EMCN: variants seen among roughly 807,000 people sequenced by gnomAD.
EMCN encodes the protein endomucin.
A neutral mutation model predicts 38.4 loss-of-function variants in EMCN; 37 were observed. That is an observed-to-expected ratio of 0.96 (90% CI 0.74 to 1.27). The LOEUF (loss-of-function observed/expected upper bound fraction) is 1.27, where lower values mean the gene tolerates loss of function less well. EMCN is among the 50% of genes most tolerant of loss of function. EMCN has a pLI of 0.00. For synonymous variants in EMCN, 95 were observed against 100.8 expected, an observed-to-expected ratio of 0.94 and a Z score of 0.35; for missense variants, 318 against 302.8, an observed-to-expected ratio of 1.05 and a Z score of -0.37.
intron 3 of EMCN, among the ~76,000 whole-genome samples, chr4:100,471,127 A>C (rs1728465932): frequency 6.6e-6 from 1 of 151,976 alleles, no homozygotes; most frequent in African/African-American, 2.4e-5. Context: ...AATAGAGAAT[A>C]GAAACACAAC....
At chr4:100,492,931 A>G (rs548586226) in intron 1 of EMCN, among the ~76,000 whole-genome samples, 16 of 152,192 alleles carry the variant, frequency 1.1e-4, no homozygotes, top group Admixed American at 6.5e-4. Flanking sequence ...TAACCTTTTT[A>G]GCCTCAGTTT....
At chr4:100,457,615 A>C (rs2110254958) in intron 4 of EMCN, among the ~76,000 whole-genome samples, 1 of 152,308 alleles carries the variant, frequency 6.6e-6, no homozygotes, top group Middle Eastern at 3.4e-3. Flanking sequence ...TGATTTTCCT[A>C]TGTTGAACCA....
chr4:100,475,046 T>C lies in EMCN; in HGVS notation c.251A>G (p.Lys84Arg). The C allele has an allele frequency of 2.0e-6, 3 of 1,518,570 alleles. No homozygotes were observed. The highest frequency in any genetic ancestry group is 2.7e-6 in the Non-Finnish European group (3 of 1,115,104). The allele number at this position is 1,518,570 out of a possible 1,614,324, so 94.1% of individuals were successfully genotyped here. The change falls in exon 3 of 12, where the codon AAA becomes AGA. Residue 84 changes from lysine to arginine, a missense_variant. Coordinates refer to ENST00000296420, the MANE Select transcript of EMCN (RefSeq NM_016242.4). ...LMSTATFLTSKDEGLKATTTD... is the reference protein window; with the variant it reads ...LMSTATFLTSRDEGLKATTTD... The stretch of plus-strand genomic sequence containing the variant: ...AATGAATCATTACTCACCTTCATCT[T>C]TACTTGTTAAAAAAGTAGCTGTTGA...
Position 100,415,914 on chromosome 4 carries a change from T to A in EMCN, c.735A>T (p.Thr245=). 6.3e-7 allele frequency: 1 copy of A among 1,587,664 alleles called. No individual in the cohort carries two copies. Among genetic ancestry groups the A allele is most frequent in the Non-Finnish European group, 8.5e-7 (1 of 1,170,050 alleles). The part of the protein sequence containing the change: ...KESVKLLTVK[T]ISHESGEHSA... Reference sequence around the variant, plus strand: ...GAAACTTACCAGACTCATGAGAAATTGTCTTAACGGTAAGAAGCTTCACGC... The same window carrying A: ...GAAACTTACCAGACTCATGAGAAATAGTCTTAACGGTAAGAAGCTTCACGC... The change falls in exon 10 of 12, where the codon ACA becomes ACT. Residue 245 remains threonine (T), a synonymous_variant. Transcript: ENST00000296420.
At chr4:100,418,235 C>T (rs1383682193) in intron 8 of EMCN, among the ~76,000 whole-genome samples, 4 of 151,808 alleles carry the variant, frequency 2.6e-5, no homozygotes, top group Admixed American at 6.6e-5. Context: ...TGCTAATAGC[C>T]CTGTTTTAAA....
intron 4 of EMCN, among the ~76,000 whole-genome samples, chr4:100,458,045 G>A (rs548259483): frequency 1.3e-5 from 2 of 152,206 alleles, no homozygotes; most frequent in Admixed American, 1.3e-4. Context: ...GGACCTGGGA[G>A]GTGGAGTTTG....
intron 5 of EMCN, among the ~76,000 whole-genome samples, chr4:100,446,416 T>C (rs1727673803): frequency 6.6e-6 from 1 of 152,118 alleles, no homozygotes; most frequent in Non-Finnish European, 1.5e-5. Context: ...TGATTCAAAT[T>C]CCTTGAACAC....
rs1441191754 is a variant in EMCN at position 100,417,481 on chromosome 4, GA to G, written c.665-341del. 2.9e-4 allele frequency among the ~76,000 whole-genome samples: 44 copies of G among 152,050 alleles called. 2 individuals carry two copies. The highest frequency in any genetic ancestry group is 7.4e-5 in the Non-Finnish European group (5 of 67,992). Reference sequence around the variant, plus strand: ...AATGTCTGTTTATTTCAGTATCTCTGAAAAAATTCTATTAAAAGTATTGAAG... The same window carrying G: ...AATGTCTGTTTATTTCAGTATCTCTGAAAAATTCTATTAAAAGTATTGAAG... On this transcript the variant is annotated intron_variant, in intron 8 of 11. Transcript: ENST00000296420.
intron 1 of EMCN, among the ~76,000 whole-genome samples, chr4:100,510,538 T>A (rs944118121): frequency 6.6e-6 from 1 of 152,214 alleles, no homozygotes; most frequent in African/African-American, 2.4e-5. Context: ...TTCCATTAAC[T>A]CAGCAAAACT....
chr4:100,411,230 G>A lies in EMCN; in HGVS notation c.752-875C>T, dbSNP rs147097139. On this transcript the variant is annotated intron_variant, in intron 10 of 11. Coordinates refer to ENST00000296420, the MANE Select transcript of EMCN (RefSeq NM_016242.4). ...AAGACTCCTCTTCAAGAGCTCCTTC[G>A]ATTCTATGCTCTGAGAAATGTTGGG... Among the ~76,000 whole-genome samples, 555 of 152,190 alleles carry A rather than the reference G, an allele frequency of 3.6e-3. 7 individuals are homozygous for A. Among genetic ancestry groups the A allele is most frequent in the African/African-American group, 0.013 (524 of 41,528 alleles).
intron 1 of EMCN, among the ~76,000 whole-genome samples, chr4:100,504,730 G>A (rs1324551216): frequency 6.6e-6 from 1 of 152,186 alleles, no homozygotes; most frequent in Non-Finnish European, 1.5e-5. Context: ...ACGGTCTAGC[G>A]GTAGAGTCAG....
intron 2 of EMCN, among the ~76,000 whole-genome samples, 169 bp from the exon 3 acceptor site, chr4:100,475,278 T>C (rs999826878): frequency 6.9e-6 from 1 of 144,526 alleles, no homozygotes; most frequent in Non-Finnish European, 1.5e-5. Flanking sequence ...ATTAAATATA[T>C]GTATATTAAA....
intron 5 of EMCN, among the ~76,000 whole-genome samples, chr4:100,426,583 T>G (rs1578405231): frequency 6.6e-6 from 1 of 152,284 alleles, no homozygotes; most frequent in East Asian, 1.9e-4. Context: ...TCTTGAACTC[T>G]GCTTCTCTGA....
At chr4:100,475,731 G>A (rs2110276226) in intron 2 of EMCN, among the ~76,000 whole-genome samples, 1 of 137,002 alleles carries the variant, frequency 7.3e-6, no homozygotes, top group South Asian at 2.5e-4. Flanking sequence ...AGGCTGGAGT[G>A]CAGTGGCGCG....
intron 9 of EMCN, among the ~76,000 whole-genome samples, chr4:100,416,273 G>A (rs1191615947): frequency 1.3e-5 from 2 of 152,150 alleles, no homozygotes; most frequent in Admixed American, 6.5e-5. Context: ...ATTAGTTTGA[G>A]TTGTGTGAAA....
Position 100,396,540 on chromosome 4 carries a change from C to CTTTTTTTTTTTTTT in EMCN, c.*1859_*1872dup. ...GGACTTTCTTTCTTTCTTTTTTTTC[C>CTTTTTTTTTTTTTT]TTTTTTTTTTTTTTTTTTTTGAGAC... is the stretch of plus-strand genomic sequence containing the variant. On this transcript the variant is annotated 3_prime_UTR_variant, in exon 12 of 12. Coordinates refer to ENST00000296420, the MANE Select transcript of EMCN (RefSeq NM_016242.4). The CTTTTTTTTTTTTTT allele has an allele frequency of 1.0e-5, 1 of 99,616 alleles. No individual in the cohort carries two copies. The highest frequency in any genetic ancestry group is 1.8e-5 in the Non-Finnish European group (1 of 54,534). The allele number at this position is 99,616 out of a possible 1,614,324, so 6.2% of individuals were successfully genotyped here.
At chr4:100,459,168 G>GCTCTCT (rs70958363) in intron 4 of EMCN, among the ~76,000 whole-genome samples, 3 of 132,862 alleles carry the variant, frequency 2.3e-5, no homozygotes, top group African/African-American at 5.6e-5. Flanking sequence ...GCCCTCAGAT[G>GCTCTCT]CTCTCTCTCT....
intron 11 of EMCN, among the ~76,000 whole-genome samples, chr4:100,408,606 G>A (rs553815460): frequency 6.6e-6 from 1 of 152,136 alleles, no homozygotes; most frequent in Non-Finnish European, 1.5e-5. Context: ...CCTCACATTT[G>A]TAGCCATGCT....
chr4:100,498,209 TACCAACCAAA>T (rs1363975327), intron 1 of EMCN, among the ~76,000 whole-genome samples: 2 of 152,228 alleles, frequency 1.3e-5, no homozygotes, highest in East Asian at 3.9e-4. Flanking sequence ...TGAAATTTAA[TACCAACCAAA>T]TTTACACATC....
Sources: gnomAD v4.1 joint callset for allele counts (sites outside exome capture counted in the v4.1 genomes callset) on GRCh38, gnomAD v4.1.1 for gene constraint, MANE v1.5 for transcripts, NCBI Gene and HGNC (gene_info 2026-07-23, HGNC 2026-07-21) for gene names.